Variants in CLCN7 observed in about 807,000 individuals in gnomAD.
The protein encoded by CLCN7 is Cl-/H+ antiporter 7.
Under a neutral mutation model 102.1 loss-of-function variants are expected in CLCN7, and 60 were observed. The observed-to-expected ratio is 0.59, with a 90% CI of 0.48 to 0.73. The LOEUF is 0.73. Among genes scored for constraint, CLCN7 ranks in the 30% least tolerant of loss-of-function variants. The probability of loss-of-function intolerance (pLI) is 0.00; values close to 1 mark genes in which losing one functional copy is unlikely to be tolerated. For missense variants in CLCN7, 962 were observed against 1,125.7 expected (o/e 0.85, Z 2.08); for synonymous variants, 560 against 490.5 (o/e 1.14, Z -1.87).
intron 7 of CLCN7, among the ~76,000 whole-genome samples, chr16:1,458,209 G>A (rs2038870414): frequency 6.6e-6 from 1 of 152,230 alleles, no homozygotes. Context: ...CCCGCCCCCA[G>A]GGGCCTCATC....
chr16:1,452,311 G>A (rs760993938), intron 15 of CLCN7: 8 of 243,624 alleles, frequency 3.3e-5, no homozygotes, highest in South Asian at 5.6e-5. Flanking sequence ...GCTACGTCGC[G>A]TGACCTCACG....
In CLCN7 at chr16:1,445,504, C is replaced by T. The variant is rs1054394758; in HGVS notation, c.*1127G>A. 5 of 152,436 alleles carry T rather than the reference C, an allele frequency of 3.3e-5. No individual in the cohort carries two copies. The highest frequency in any genetic ancestry group is 2.1e-4 in the South Asian group (1 of 4,828). The allele number at this position is 152,436 out of a possible 1,614,324, so 9.4% of individuals were successfully genotyped here. A position where few individuals can be genotyped will look rare whatever the true frequency, so the allele number is the denominator to read the frequency against. On this transcript the variant is annotated 3_prime_UTR_variant, in exon 25 of 25. Coordinates refer to ENST00000382745, the MANE Select transcript of CLCN7 (RefSeq NM_001287.6). ...GCACCCAGCCCCCCACGGAGGGACC[C>T]GTGTTGCTCTAACAGGGACACTGAA...
intron 2 of CLCN7, among the ~76,000 whole-genome samples, chr16:1,464,773 G>A (rs954304142): frequency 2.6e-5 from 4 of 152,210 alleles, no homozygotes; most frequent in Non-Finnish European, 2.9e-5. Flanking sequence ...CGGCAGCAGA[G>A]GACTCCCGGC....
At chr16:1,458,381 G>A (rs547853424) in intron 7 of CLCN7, among the ~76,000 whole-genome samples, 1 of 152,270 alleles carries the variant, frequency 6.6e-6, no homozygotes, top group Non-Finnish European at 1.5e-5. Context: ...AAAAGTTATA[G>A]AGCAACATCC....
intron 4 of CLCN7, 25 bp from the exon 5 acceptor site, chr16:1,460,973 G>C: frequency 6.2e-7 from 1 of 1,610,164 alleles, no homozygotes; most frequent in Non-Finnish European, 8.5e-7. Context: ...CAGGGCGAGG[G>C]TCAGGCAGGG....
At chr16:1,462,088 G>GA (rs34780823) in intron 2 of CLCN7, among the ~76,000 whole-genome samples, 93 of 140,122 alleles carry the variant, frequency 6.6e-4, no homozygotes, top group South Asian at 1.4e-3. Flanking sequence ...CCGTCTCAAA[G>GA]AAAAAAAAAA....
At chr16:1,454,539 AC>A in intron 12 of CLCN7, 74 bp from the exon 13 acceptor site, 2 of 1,402,992 alleles carry the variant, frequency 1.4e-6, no homozygotes, top group Non-Finnish European at 1.0e-6. Context: ...AAACTCAAGG[AC>A]CACCATCTTA....
chr16:1,461,977 C>G (rs2038944631), intron 2 of CLCN7, among the ~76,000 whole-genome samples: 1 of 151,760 alleles, frequency 6.6e-6, no homozygotes, highest in African/African-American at 2.4e-5. Flanking sequence ...CCCAGCTACT[C>G]AGGAGGCTGA....
In CLCN7 at chr16:1,459,159, TG is replaced by T; in HGVS notation, c.622del (p.Gln208ArgfsTer9). The T allele has an allele frequency of 6.2e-7, 1 of 1,613,268 alleles. No homozygotes were observed. The highest frequency in any genetic ancestry group is 8.5e-7 in the Non-Finnish European group (1 of 1,179,896). ...CACCCCGTTGAGGAAGCACTTGATC[TG>T]GGGGATTCCGCTGCCAGCAGCCACC... Reference protein sequence around the residue: ...EPVAAGSGIPQIKCFLNGVKI... With the variant: ...EPVAAGSGIPXIKCFLNGVKI... On this transcript the variant is annotated frameshift_variant, in exon 7 of 25. Coordinates refer to ENST00000382745, the MANE Select transcript of CLCN7 (RefSeq NM_001287.6). LOFTEE classifies it high-confidence loss of function.
chr16:1,444,992 G>C lies in CLCN7; in HGVS notation c.*1639C>G, dbSNP rs927892002. On this transcript the variant is annotated 3_prime_UTR_variant, in exon 25 of 25. Coordinates refer to ENST00000382745, the MANE Select transcript of CLCN7 (RefSeq NM_001287.6). Reference sequence around the variant, plus strand: ...TATATCCAAAATATGATCACTTCCAGGTCCTCAGTACACAACCACCACGAG... The same window carrying C: ...TATATCCAAAATATGATCACTTCCACGTCCTCAGTACACAACCACCACGAG... 2 of 152,444 alleles carry C rather than the reference G, an allele frequency of 1.3e-5. No homozygotes were observed. Among genetic ancestry groups the C allele is most frequent in the African/African-American group, 4.8e-5 (2 of 41,386 alleles). 9.4% of individuals were successfully genotyped at this position (152,444 alleles called of 1,614,324 possible). A position where few individuals can be genotyped will look rare whatever the true frequency, so the allele number is the denominator to read the frequency against.
chr16:1,449,255 C>T lies in CLCN7; in HGVS notation c.1669+21G>A, dbSNP rs778695757. ...AGACCCCGTGGAGCTCCCCACCCAT[C>T]GGGCAAGAGCTGGGACATACCCAGC... On this transcript the variant is annotated intron_variant, in intron 18 of 24. Coordinates refer to ENST00000382745, the MANE Select transcript of CLCN7 (RefSeq NM_001287.6). The T allele has an allele frequency of 1.1e-5, 17 of 1,577,684 alleles. No homozygotes were observed. The African/African-American group carries it at 1.1e-4, about 10-fold the overall frequency.
At chr16:1,459,080 G>A in intron 7 of CLCN7, 27 bp downstream of exon 7, 1 of 1,593,220 alleles carries the variant, frequency 6.3e-7, no homozygotes, top group Non-Finnish European at 8.6e-7. Flanking sequence ...CGCCCACCCT[G>A]CCCAGCCAGG....
Position 1,457,234 on chromosome 16 carries a change from C to T in CLCN7, c.822+20G>A. On this transcript the variant is annotated intron_variant, in intron 9 of 24. Coordinates refer to ENST00000382745, the MANE Select transcript of CLCN7 (RefSeq NM_001287.6). This position sits in a 1 kb window ranked among gnomAD's most constrained non-coding sequence, Gnocchi z 5.4. Reference sequence around the variant, plus strand: ...GTGCCCATGGCATCTGGAGCCCACCCACACAAGATTTCAACTCACCTTGAA... The same window carrying T: ...GTGCCCATGGCATCTGGAGCCCACCTACACAAGATTTCAACTCACCTTGAA... The T allele has an allele frequency of 6.2e-7, 1 of 1,610,336 alleles. No homozygotes were observed. Among genetic ancestry groups the T allele is most frequent in the Non-Finnish European group, 8.5e-7 (1 of 1,176,706 alleles).
At position 1,446,005 on chromosome 16, in the gene CLCN7, G is replaced by T; in HGVS notation, c.*626C>A. 1.2e-5 allele frequency: 6 copies of T among 518,464 alleles called. No individual in the cohort carries two copies. The South Asian group carries it at 1.3e-4, about 11-fold the overall frequency. The allele number at this position is 518,464 out of a possible 1,614,324, so 32.1% of individuals were successfully genotyped here. ...TGAGTCACCCCAGTCCTCTGGGCCT[G>T]TGTACCCAAGCCGGATGCAGGCCGG... On this transcript the variant is annotated 3_prime_UTR_variant, in exon 25 of 25. Transcript: ENST00000382745.
intron 6 of CLCN7, chr16:1,459,474 C>A (rs77667998): frequency 1.6e-5 from 6 of 385,362 alleles, no homozygotes; most frequent in East Asian, 5.2e-5. Flanking sequence ...GCGTCGGGGC[C>A]TCAGGGAAGG....
intron 1 of CLCN7, among the ~76,000 whole-genome samples, chr16:1,470,768 G>A (rs2039067513): frequency 6.6e-6 from 1 of 152,180 alleles, no homozygotes; most frequent in East Asian, 1.9e-4. Context: ...CAGCCTTGCT[G>A]CGCCCACAGT....
intron 16 of CLCN7, among the ~76,000 whole-genome samples, chr16:1,451,184 C>A (rs1458345217): frequency 6.6e-6 from 1 of 152,238 alleles, no homozygotes; most frequent in East Asian, 1.9e-4. Context: ...AGGCCGTGGT[C>A]TTGGTGTGGG....
chr16:1,446,945 C>T lies in CLCN7; in HGVS notation c.2331+61G>A, dbSNP rs2038656252. 3.4e-5 allele frequency: 50 copies of T among 1,456,396 alleles called. No individual in the cohort carries two copies. The South Asian group carries it at 3.6e-4, about 11-fold the overall frequency. 90.2% of individuals were successfully genotyped at this position (1,456,396 alleles called of 1,614,324 possible). On this transcript the variant is annotated intron_variant, in intron 24 of 24. Transcript: ENST00000382745. ...CCCTGCCGGGAGCTGAGAGTAAGCA[C>T]GGGCAGGAGGCAGAGGGGAGCCCTG...
At chr16:1,474,593 T>C (rs2039125288) in intron 1 of CLCN7, among the ~76,000 whole-genome samples, 1 of 151,910 alleles carries the variant, frequency 6.6e-6, no homozygotes. Context: ...TCTGGCGAGC[T>C]CCGCCTCGCC....
Sources: gnomAD v4.1 joint callset for allele counts (sites outside exome capture counted in the v4.1 genomes callset) on GRCh38, gnomAD v4.1.1 for gene constraint, Gnocchi (gnomAD v3.1) non-coding constraint, MANE v1.5 for transcripts, NCBI Gene and HGNC (gene_info 2026-07-23, HGNC 2026-07-21) for gene names.